The following MGAT4C variants were observed in gnomAD, a reference collection of about 807,000 sequenced individuals.
The protein encoded by MGAT4C is MGAT4 family member C, also known as alpha-1,3-mannosyl-glycoprotein 4-beta-N-acetylglucosaminyltransferase C.
Under a neutral mutation model 40.1 loss-of-function variants are expected in MGAT4C, and 19 were observed. The ratio of observed to expected loss-of-function variants is 0.47; its 90% confidence interval spans 0.33 to 0.70. The LOEUF (loss-of-function observed/expected upper bound fraction) is 0.70. MGAT4C is among the 30% of genes least tolerant of loss of function. The pLI is 0.02. For synonymous variants in MGAT4C, 181 were observed against 187.1 expected (o/e 0.97, Z 0.27); for missense variants, 491 against 563.2 (o/e 0.87, Z 1.30).
upstream of MGAT4C, among the ~76,000 whole-genome samples, chr12:86,260,245 TC>T: frequency 6.6e-6 from 1 of 152,270 alleles, no homozygotes; most frequent in African/African-American, 2.4e-5. Flanking sequence ...ACGCTTGTTG[TC>T]CACAGCTGGC....
chr12:86,235,766 G>C (rs557520185), intron 1 of MGAT4C, among the ~76,000 whole-genome samples: 1 of 152,026 alleles, frequency 6.6e-6, no homozygotes, highest in Non-Finnish European at 1.5e-5. Flanking sequence ...CCTAGCTCCT[G>C]AGTAGATACT....
At chr12:86,559,389 TCTCTAGGATAGAC>T (rs1228686334) in intron 2 of MGAT4C, among the ~76,000 whole-genome samples, 1 of 151,896 alleles carries the variant, frequency 6.6e-6, no homozygotes, top group Non-Finnish European at 1.5e-5. Flanking sequence ...CACGGAACAT[TCTCTAGGATAGAC>T]CACATATTAG....
At chr12:86,463,704 T>C (rs1592878087) in intron 2 of MGAT4C, among the ~76,000 whole-genome samples, 1 of 152,152 alleles carries the variant, frequency 6.6e-6, no homozygotes, top group African/African-American at 2.4e-5. Flanking sequence ...ACACCCATTA[T>C]GTGCAGCAAG....
chr12:86,543,981 G>A (rs1215132212), intron 2 of MGAT4C, among the ~76,000 whole-genome samples: 2 of 152,004 alleles, frequency 1.3e-5, no homozygotes. Flanking sequence ...GGGGGCTCAG[G>A]CTATTCACAC....
At chr12:86,484,733 GA>G (rs1433594697) in intron 2 of MGAT4C, among the ~76,000 whole-genome samples, 2 of 152,100 alleles carry the variant, frequency 1.3e-5, no homozygotes, top group Non-Finnish European at 2.9e-5. Context: ...CAGTCAGCCC[GA>G]CAGCCTTTCC....
At position 86,115,377 on chromosome 12, in the gene MGAT4C, T is replaced by C. The variant is rs570689326; in HGVS notation, c.-56-65654A>G. ...TAGGTCATATACTTAAGATTTGGGGTAGAACTAAGGATAATTTAATGATAC... is the reference window on the plus strand; with the variant it reads ...TAGGTCATATACTTAAGATTTGGGGCAGAACTAAGGATAATTTAATGATAC... On this transcript the variant is annotated intron_variant, in intron 1 of 4. Coordinates refer to ENST00000611864, the MANE Select transcript of MGAT4C (RefSeq NM_001351288.2). Among the ~76,000 whole-genome samples, 91 of 151,830 alleles carry C rather than the reference T, an allele frequency of 6.0e-4. 1 individual carries two copies. In the South Asian group the frequency reaches 0.012, roughly 19 times the overall value.
intron 3 of MGAT4C, among the ~76,000 whole-genome samples, chr12:86,344,754 GTA>G (rs1555269372): frequency 2.4e-3 from 277 of 117,740 alleles, no homozygotes; most frequent in African/African-American, 5.4e-3. Flanking sequence ...GTGTGTGTGT[GTA>G]TGTGTGTGTG....
At chr12:86,636,852 C>T (rs998518645) in intron 2 of MGAT4C, among the ~76,000 whole-genome samples, 1 of 151,900 alleles carries the variant, frequency 6.6e-6, no homozygotes, top group African/African-American at 2.4e-5. Flanking sequence ...AAATCATTTA[C>T]ATGGTCAATA....
chr12:86,447,467 A>G (rs1387370270), intron 2 of MGAT4C, among the ~76,000 whole-genome samples: 1 of 152,218 alleles, frequency 6.6e-6, no homozygotes, highest in African/African-American at 2.4e-5. Flanking sequence ...TTGGCTATCC[A>G]AGTAACAACA....
intron 2 of MGAT4C, among the ~76,000 whole-genome samples, chr12:86,611,607 C>T (rs1303104766): frequency 6.6e-6 from 1 of 152,170 alleles, no homozygotes; most frequent in Non-Finnish European, 1.5e-5. Context: ...TGCTTTTGCA[C>T]TCCTTATCTC....
intron 2 of MGAT4C, among the ~76,000 whole-genome samples, chr12:86,473,129 G>A (rs1294763152): frequency 1.3e-5 from 2 of 151,960 alleles, no homozygotes; most frequent in Non-Finnish European, 2.9e-5. Flanking sequence ...CTAATTTTTT[G>A]TGTTTTTAGA....
At position 86,443,203 on chromosome 12, in the gene MGAT4C, T is replaced by TACACAC. The variant is rs546506719; in HGVS notation, c.-228-7939_-228-7938insGTGTGT. On this transcript the variant is annotated intron_variant, in intron 2 of 7. Coordinates refer to the MGAT4C transcript ENST00000548651. ...TTATATATGTGTGTGTGTGTATATATATACACACACACACACACATATATA... is the reference window on the plus strand; with the variant it reads ...TTATATATGTGTGTGTGTGTATATATACACACATACACACACACACACACATATATA... Among the ~76,000 whole-genome samples, 216 of 150,148 alleles carry TACACAC rather than the reference T, an allele frequency of 1.4e-3. 1 individual carries two copies. Among genetic ancestry groups the TACACAC allele is most frequent in the African/African-American group, 5.1e-3 (204 of 40,186 alleles).
At chr12:86,704,601 C>T (rs1950423737) in intron 2 of MGAT4C, among the ~76,000 whole-genome samples, 1 of 151,990 alleles carries the variant, frequency 6.6e-6, no homozygotes, top group Admixed American at 6.6e-5. Context: ...TCTTGAAGCA[C>T]CTATTATTTA....
intron 2 of MGAT4C, among the ~76,000 whole-genome samples, chr12:86,653,125 CTA>C (rs1963740392): frequency 6.6e-6 from 1 of 151,772 alleles, no homozygotes; most frequent in Non-Finnish European, 1.5e-5. Flanking sequence ...ATACAATAAA[CTA>C]TTATGATGTT....
intron 2 of MGAT4C, among the ~76,000 whole-genome samples, chr12:86,626,472 T>C (rs900304996): frequency 1.3e-5 from 2 of 152,202 alleles, no homozygotes; most frequent in Non-Finnish European, 2.9e-5. Context: ...AAACAACTTA[T>C]GCTGTTGTAG....
At chr12:86,723,694 T>A (rs1284190059) in intron 2 of MGAT4C, among the ~76,000 whole-genome samples, 1 of 151,804 alleles carries the variant, frequency 6.6e-6, no homozygotes, top group Non-Finnish European at 1.5e-5. Flanking sequence ...GGGGAACAAA[T>A]ACATGAGTTT....
chr12:86,220,049 G>T (rs1950823124), intron 1 of MGAT4C, among the ~76,000 whole-genome samples: 1 of 152,104 alleles, frequency 6.6e-6, no homozygotes, highest in Non-Finnish European at 1.5e-5. Context: ...TTAATTAAAA[G>T]GGACTGTAGC....
chr12:86,642,435 T>C (rs146006507), intron 2 of MGAT4C, among the ~76,000 whole-genome samples: 96 of 151,886 alleles, frequency 6.3e-4, no homozygotes, highest in African/African-American at 2.3e-3. Context: ...TATTGAAATA[T>C]TTTTGGTAAG....
intron 3 of MGAT4C, among the ~76,000 whole-genome samples, chr12:86,406,768 AGGAT>A (rs1393430761): frequency 2.6e-5 from 4 of 152,140 alleles, no homozygotes; most frequent in African/African-American, 9.7e-5. Context: ...TACTCTGTAA[AGGAT>A]GAGATAAACT....
Sources: gnomAD v4.1 joint callset for allele counts (sites outside exome capture counted in the v4.1 genomes callset) on GRCh38, gnomAD v4.1.1 for gene constraint, MANE v1.5 for transcripts, NCBI Gene and HGNC (gene_info 2026-07-23, HGNC 2026-07-21) for gene names.